ATP5MG: variants seen among roughly 807,000 people sequenced by gnomAD.
ATP5MG encodes ATP synthase membrane subunit g.
Under a neutral mutation model 12.7 loss-of-function variants are expected in ATP5MG, and 7 were observed. That is an observed-to-expected ratio of 0.55 (90% confidence interval 0.31 to 1.04). ATP5MG has a LOEUF of 1.04. ATP5MG is among the 50% of genes least tolerant of loss of function. The pLI is 0.05. For missense variants in ATP5MG, 116 were observed against 126.7 expected, an observed-to-expected ratio of 0.92 and a Z score of 0.41; for synonymous variants, 53 against 48.2, an observed-to-expected ratio of 1.10 and a Z score of -0.41.
rs1484084792 is a variant in ATP5MG at position 118,406,944 on chromosome 11, G to C, written c.60G>C (p.Val20=). 6.2e-7 allele frequency: 1 copy of C among 1,605,896 alleles called. No individual in the cohort carries two copies. Among genetic ancestry groups the C allele is most frequent in the African/African-American group, 1.3e-5 (1 of 74,674 alleles). ...EKTPALVNAA[V]TYSKPRLATF... ...TTTTGTTTTGTTTTCCAGCTGCTGT[G>C]ACTTACTCGAAGCCTCGATTGGCCA... Residue 20 remains valine (V), a synonymous_variant, in exon 2 of 3, where the codon GTG becomes GTC. Coordinates refer to ENST00000300688, the MANE Select transcript of ATP5MG (RefSeq NM_006476.5).
intron 1 of ATP5MG, chr11:118,406,553 C>G: frequency 5.2e-6 from 1 of 190,534 alleles, no homozygotes; most frequent in South Asian, 1.0e-4. Context: ...TTCAAATTTG[C>G]TGGTCTCTCT....
At position 118,407,025 on chromosome 11, in the gene ATP5MG, T is replaced by C. The variant is rs1948978359; in HGVS notation, c.141T>C (p.Pro47=). ...ELVPPTPAEI[P]RAIQSLKKIV... ...TTCCTCCCACCCCTGCTGAGATCCC[T>C]AGAGCTATTCAGAGCCTGAAAAAAA... Residue 47 remains proline, a synonymous_variant, in exon 2 of 3, where the codon CCT becomes CCC. Transcript: ENST00000300688. 1 of 1,614,108 alleles carries C rather than the reference T, an allele frequency of 6.2e-7. No individual in the cohort carries two copies.
In ATP5MG at chr11:118,409,487, G is replaced by C. The variant is rs1948999370; in HGVS notation, c.*389G>C. On this transcript the variant is annotated 3_prime_UTR_variant, in exon 3 of 3. Transcript: ENST00000300688. ...AGTAGTACCATATGCCAAAGTGATA[G>C]AGATGAATCATGTCAGTAGTTAGAA... is the stretch of plus-strand genomic sequence containing the variant. 1 of 152,616 alleles carries C rather than the reference G, an allele frequency of 6.6e-6. No homozygotes were observed. Among genetic ancestry groups the C allele is most frequent in the Non-Finnish European group, 1.5e-5 (1 of 68,326 alleles). The allele number at this position is 152,616 out of a possible 1,614,324, so 9.5% of individuals were successfully genotyped here.
chr11:118,407,411 G>A (rs1404640935), intron 2 of ATP5MG: 2 of 235,392 alleles, frequency 8.5e-6, no homozygotes, highest in African/African-American at 4.6e-5. Flanking sequence ...GCTTTGCTGA[G>A]TCTGTACTTT....
intron 1 of ATP5MG, among the ~76,000 whole-genome samples, chr11:118,403,634 A>G (rs1948948396): frequency 6.6e-6 from 1 of 152,114 alleles, no homozygotes; most frequent in South Asian, 2.1e-4. Context: ...CGTCTCTACT[A>G]AAACAGAAAT....
At chr11:118,402,280 G>T (rs1555131252) in intron 1 of ATP5MG, among the ~76,000 whole-genome samples, 2 of 152,126 alleles carry the variant, frequency 1.3e-5, no homozygotes, top group Non-Finnish European at 1.5e-5. Context: ...TCATGGATGA[G>T]TATCCATGCC....
In ATP5MG at chr11:118,409,028, C is replaced by T. The variant is rs1948995604; in HGVS notation, c.242C>T (p.Thr81Ile). Residue 81 changes from threonine to isoleucine, a missense_variant, in exon 3 of 3, where the codon ACT (threonine) becomes ATT (isoleucine). Coordinates refer to ENST00000300688, the MANE Select transcript of ATP5MG (RefSeq NM_006476.5). ...KEAVLNGLVA[T>I]EVLMWFYVGE... is the part of the protein sequence containing the mutation. ...GCTGTGCTGAATGGTTTGGTGGCCA[C>T]TGAGGTGTTGATGTGGTTTTATGTC... 1.2e-6 allele frequency: 2 copies of T among 1,603,924 alleles called. No individual in the cohort carries two copies. The highest frequency in any genetic ancestry group is 1.7e-6 in the Non-Finnish European group (2 of 1,175,252).
chr11:118,407,352 AT>A (rs1203723857), intron 2 of ATP5MG: 8 of 463,274 alleles, frequency 1.7e-5, no homozygotes, highest in East Asian at 4.7e-5. Context: ...TTATTGGGAA[AT>A]TTTTTTTCCT....
At chr11:118,406,338 CT>C in intron 1 of ATP5MG, 1 of 153,224 alleles carries the variant, frequency 6.5e-6, no homozygotes, top group East Asian at 1.9e-4. Flanking sequence ...GTAGATTTTA[CT>C]TTTATTATTT....
intron 1 of ATP5MG, chr11:118,406,016 C>T (rs2134127648): frequency 6.6e-6 from 1 of 152,288 alleles, no homozygotes; most frequent in Admixed American, 6.5e-5. Context: ...GCACACACCA[C>T]CATGCCCAGC....
chr11:118,406,078 G>C (rs1555132051), intron 1 of ATP5MG: 1 of 152,144 alleles, frequency 6.6e-6, no homozygotes, highest in Admixed American at 6.6e-5. Flanking sequence ...GGGCAGGCTG[G>C]TCTCAAATTC....
intron 1 of ATP5MG, chr11:118,401,947 C>G (rs541398327): frequency 2.9e-5 from 15 of 524,572 alleles, no homozygotes; most frequent in African/African-American, 2.7e-4. Flanking sequence ...TGAATTCTAA[C>G]CACGACTGGG....
intron 1 of ATP5MG, 109 bp downstream of exon 1, chr11:118,401,826 G>C: frequency 1.5e-6 from 2 of 1,333,250 alleles, no homozygotes; most frequent in South Asian, 1.4e-5. Flanking sequence ...TGCGGGTGCC[G>C]GGGCGGGATG....
chr11:118,408,932 T>A, intron 2 of ATP5MG, 68 bp from the exon 3 acceptor site: 1 of 266,194 alleles, frequency 3.8e-6, no homozygotes, highest in Non-Finnish European at 6.2e-6. Context: ...TAGTTTCAAA[T>A]ATATATATAT....
chr11:118,408,223 C>G (rs1034037973), intron 2 of ATP5MG, among the ~76,000 whole-genome samples: 1 of 152,122 alleles, frequency 6.6e-6, no homozygotes, highest in Non-Finnish European at 1.5e-5. Context: ...GATCCAAGCA[C>G]AGAGTACAAA....
chr11:118,403,805 A>G (rs1468102102), intron 1 of ATP5MG: 1 of 151,948 alleles, frequency 6.6e-6, no homozygotes, highest in Non-Finnish European at 1.5e-5. Context: ...AAAAAAAAAA[A>G]AAAAACTAAA....
intron 1 of ATP5MG, among the ~76,000 whole-genome samples, chr11:118,402,991 C>T (rs1421217370): frequency 2.6e-5 from 4 of 152,136 alleles, no homozygotes; most frequent in South Asian, 2.1e-4. Context: ...TGAGCCACAG[C>T]GCCAGCCGGG....
intron 1 of ATP5MG, among the ~76,000 whole-genome samples, chr11:118,402,690 T>TTA (rs1948938586): frequency 1.4e-5 from 2 of 145,676 alleles, no homozygotes; most frequent in Admixed American, 6.8e-5. Context: ...TTCTTTTTCT[T>TTA]TCTTTCTTTT....
intron 1 of ATP5MG, chr11:118,403,807 A>AC (rs1171194685): frequency 1.3e-5 from 2 of 152,066 alleles, no homozygotes; most frequent in East Asian, 3.9e-4. Flanking sequence ...AAAAAAAAAA[A>AC]AAACTAAAGA....
Sources: gnomAD v4.1 joint callset for allele counts (sites outside exome capture counted in the v4.1 genomes callset) on GRCh38, gnomAD v4.1.1 for gene constraint, MANE v1.5 for transcripts, NCBI Gene and HGNC (gene_info 2026-07-23, HGNC 2026-07-21) for gene names.